Variants in PCED1B observed in about 807,000 individuals in gnomAD.
The protein encoded by PCED1B is PC-esterase domain containing 1B, also known as PC-esterase domain-containing protein 1B.
For missense variants in PCED1B, 573 were observed against 573.9 expected, an observed-to-expected ratio of 1.00 and a Z score of 0.02; for synonymous variants, 251 against 246.1, an observed-to-expected ratio of 1.02 and a Z score of -0.19.
intron 3 of PCED1B, among the ~76,000 whole-genome samples, chr12:47,224,868 A>G (rs903645047): frequency 2.0e-5 from 3 of 152,206 alleles, no homozygotes; most frequent in African/African-American, 7.2e-5. Context: ...AGTGAGGTCA[A>G]TGTAGGTAGG....
rs1943990650 is a variant in PCED1B at position 47,236,416 on chromosome 12, C to T, written c.*54C>T. On this transcript the variant is annotated 3_prime_UTR_variant, in exon 4 of 4. Coordinates refer to ENST00000546455, the MANE Select transcript of PCED1B (RefSeq NM_138371.3). ...GAACATGGATTGGACAGATCTGACA[C>T]TTCCTTTCCATTGCTTGGCCTGAAC... is the stretch of plus-strand genomic sequence containing the variant. The T allele has an allele frequency of 3.5e-6, 5 of 1,445,784 alleles. No homozygotes were observed. Among genetic ancestry groups the T allele is most frequent in the Non-Finnish European group, 4.6e-6 (5 of 1,089,132 alleles). 89.6% of individuals were successfully genotyped at this position (1,445,784 alleles called of 1,614,324 possible).
intron 2 of PCED1B, among the ~76,000 whole-genome samples, chr12:47,211,799 G>A (rs1943092908): frequency 1.3e-5 from 2 of 152,048 alleles, no homozygotes; most frequent in African/African-American, 4.8e-5. Context: ...CTCTCGGCTG[G>A]GCACGGTGGC....
chr12:47,114,541 A>T (rs748388457), intron 2 of PCED1B, among the ~76,000 whole-genome samples: 1 of 152,190 alleles, frequency 6.6e-6, no homozygotes, highest in Non-Finnish European at 1.5e-5. Flanking sequence ...CTCTTAGCAC[A>T]TAAGCACATG....
chr12:47,110,322 CT>C (rs1939135781), intron 2 of PCED1B, among the ~76,000 whole-genome samples: 1 of 152,136 alleles, frequency 6.6e-6, no homozygotes, highest in South Asian at 2.1e-4. Context: ...ATAATGTGAG[CT>C]TTTGTCAACA....
intron 2 of PCED1B, among the ~76,000 whole-genome samples, chr12:47,152,508 T>A (rs1423858861): frequency 6.6e-6 from 1 of 152,156 alleles, no homozygotes; most frequent in Non-Finnish European, 1.5e-5. Context: ...TAGAGGAGAA[T>A]TAGGAGACAT....
chr12:47,139,389 G>A (rs1347348640), intron 2 of PCED1B, among the ~76,000 whole-genome samples: 1 of 114,058 alleles, frequency 8.8e-6, no homozygotes, highest in Non-Finnish European at 2.2e-5. Flanking sequence ...GGGAGGGTCA[G>A]GGAAAGGATC....
intron 2 of PCED1B, among the ~76,000 whole-genome samples, chr12:47,202,454 T>C (rs1942790150): frequency 6.6e-6 from 1 of 152,152 alleles, no homozygotes; most frequent in Admixed American, 6.5e-5. Context: ...CAGAACTTTG[T>C]ATCTCTAGTT....
chr12:47,081,007 G>T (rs1937686411), intron 1 of PCED1B, among the ~76,000 whole-genome samples: 2 of 152,224 alleles, frequency 1.3e-5, no homozygotes, highest in African/African-American at 4.8e-5. Context: ...CACAGAAGGT[G>T]CAAGCCGAAC....
intron 3 of PCED1B, among the ~76,000 whole-genome samples, chr12:47,230,711 T>C (rs1943780503): frequency 6.6e-6 from 1 of 151,946 alleles, no homozygotes; most frequent in Admixed American, 6.5e-5. Flanking sequence ...CAAAGTGCTG[T>C]GATTACAGGC....
At chr12:47,156,498 C>A (rs1941197908) in intron 2 of PCED1B, among the ~76,000 whole-genome samples, 1 of 152,062 alleles carries the variant, frequency 6.6e-6, no homozygotes, top group Non-Finnish European at 1.5e-5. Context: ...TCCCTTGCAC[C>A]CTTGCTCCAT....
At chr12:47,171,705 G>C (rs1941741717) in intron 2 of PCED1B, among the ~76,000 whole-genome samples, 1 of 152,024 alleles carries the variant, frequency 6.6e-6, no homozygotes, top group African/African-American at 2.4e-5. Flanking sequence ...TAAAATTCTT[G>C]GATTGTAGTT....
At chr12:47,154,188 A>G (rs572444754) in intron 2 of PCED1B, among the ~76,000 whole-genome samples, 1 of 152,280 alleles carries the variant, frequency 6.6e-6, no homozygotes, top group East Asian at 1.9e-4. Context: ...GTTAGCTTGT[A>G]AGGAGAGTGA....
intron 2 of PCED1B, among the ~76,000 whole-genome samples, chr12:47,150,667 A>G (rs1396733991): frequency 6.6e-6 from 1 of 151,762 alleles, no homozygotes. Context: ...TACATGGGGG[A>G]GAGCATTTCA....
intron 2 of PCED1B, among the ~76,000 whole-genome samples, chr12:47,111,554 C>T (rs1042273430): frequency 4.6e-5 from 7 of 151,966 alleles, no homozygotes; most frequent in African/African-American, 1.7e-4. Flanking sequence ...CTTGCAAAAT[C>T]GAAACTCCAA....
At chr12:47,221,112 T>G (rs766530289) in intron 3 of PCED1B, among the ~76,000 whole-genome samples, 84 of 152,234 alleles carry the variant, frequency 5.5e-4, no homozygotes, top group Non-Finnish European at 9.1e-4. Context: ...ACATATAAAA[T>G]TAAAACTATA....
chr12:47,082,553 G>A (rs1017761028), intron 1 of PCED1B, among the ~76,000 whole-genome samples: 1 of 152,126 alleles, frequency 6.6e-6, no homozygotes, highest in Non-Finnish European at 1.5e-5. Context: ...CACTTGTGAC[G>A]GACAGAGTAC....
chr12:47,131,112 A>G (rs1940106897), intron 2 of PCED1B, among the ~76,000 whole-genome samples: 1 of 152,216 alleles, frequency 6.6e-6, no homozygotes, highest in Non-Finnish European at 1.5e-5. Context: ...TAATTGAGAA[A>G]ACATATCCTT....
At chr12:47,120,091 A>T (rs572494044) in intron 2 of PCED1B, among the ~76,000 whole-genome samples, 2 of 152,208 alleles carry the variant, frequency 1.3e-5, no homozygotes. Flanking sequence ...AAAGATGCTC[A>T]ACGTTATTAG....
At chr12:47,170,519 GC>G (rs1405647263) in intron 2 of PCED1B, among the ~76,000 whole-genome samples, 1 of 148,898 alleles carries the variant, frequency 6.7e-6, no homozygotes. Context: ...GGGCGGAGGC[GC>G]CCCCCACCTC....
Sources: gnomAD v4.1 joint callset for allele counts (sites outside exome capture counted in the v4.1 genomes callset) on GRCh38, gnomAD v4.1.1 for gene constraint, MANE v1.5 for transcripts, NCBI Gene and HGNC (gene_info 2026-07-23, HGNC 2026-07-21) for gene names.